Variants in FNIP1 observed in about 807,000 individuals in gnomAD.
FNIP1 encodes the protein folliculin-interacting protein 1.
Under a neutral mutation model 124.5 loss-of-function variants are expected in FNIP1, and 40 were observed. That is an observed-to-expected ratio of 0.32 (90% CI 0.25 to 0.42). The LOEUF (loss-of-function observed/expected upper bound fraction) is 0.42. FNIP1 is among the 10% of genes least tolerant of loss of function. The probability of loss-of-function intolerance (pLI) is 1.00; values close to 1 mark genes in which losing one functional copy is unlikely to be tolerated. For synonymous variants in FNIP1, 472 were observed against 470.6 expected, an observed-to-expected ratio of 1.00 and a Z score of -0.04; for missense variants, 1,176 against 1,403.7, an observed-to-expected ratio of 0.84 and a Z score of 2.59.
intron 2 of FNIP1, among the ~76,000 whole-genome samples, chr5:131,736,427 A>G (rs1770306991): frequency 6.6e-6 from 1 of 152,218 alleles, no homozygotes; most frequent in African/African-American, 2.4e-5. Flanking sequence ...CTTATCCACT[A>G]TCACGAACCA....
intron 1 of FNIP1, among the ~76,000 whole-genome samples, chr5:131,789,396 G>A (rs1211797425): frequency 6.6e-6 from 1 of 152,120 alleles, no homozygotes; most frequent in Non-Finnish European, 1.5e-5. Context: ...ATAATTGTTG[G>A]TAATATTATG....
chr5:131,713,002 G>C (rs1769347843), intron 6 of FNIP1, among the ~76,000 whole-genome samples: 1 of 151,660 alleles, frequency 6.6e-6, no homozygotes, highest in South Asian at 2.1e-4. Context: ...TTTTTCCCAT[G>C]TAACACACTC....
At chr5:131,750,035 G>A (rs1207463812) in intron 1 of FNIP1, among the ~76,000 whole-genome samples, 4 of 152,118 alleles carry the variant, frequency 2.6e-5, no homozygotes, top group African/African-American at 9.7e-5. Flanking sequence ...TCTACATAAC[G>A]TTGAAGACTA....
In FNIP1 at chr5:131,696,651, TAATA is replaced by T. The variant is rs1768703778; in HGVS notation, c.1202+2262_1202+2265del. On this transcript the variant is annotated intron_variant, in intron 11 of 17. Transcript: ENST00000510461. Reference sequence around the variant, plus strand: ...AAATTATTTGTTAGCATGCTCCATATAATAAATGCCTAAAATTAATGTTAAAATA... The same window carrying T: ...AAATTATTTGTTAGCATGCTCCATATAATGCCTAAAATTAATGTTAAAATA... Among the ~76,000 whole-genome samples, 6 of 152,120 alleles carry T rather than the reference TAATA, an allele frequency of 3.9e-5. No homozygotes were observed. The South Asian group carries it at 6.2e-4, about 16-fold the overall frequency.
chr5:131,760,984 C>G (rs2191001), intron 1 of FNIP1, among the ~76,000 whole-genome samples: 119,206 of 152,052 alleles, frequency 0.78, 46,962 homozygotes, highest in African/African-American at 0.83. Flanking sequence ...ATTCCCAATA[C>G]AGCAACATGC....
intron 17 of FNIP1, among the ~76,000 whole-genome samples, chr5:131,645,033 A>G (rs1009969480): frequency 6.6e-6 from 1 of 152,202 alleles, no homozygotes; most frequent in Non-Finnish European, 1.5e-5. Flanking sequence ...ATCTAGTGTA[A>G]TAATAGCTGG....
intron 9 of FNIP1, among the ~76,000 whole-genome samples, chr5:131,705,126 TTAAA>T (rs1198357088): frequency 2.0e-5 from 3 of 152,006 alleles, no homozygotes; most frequent in Admixed American, 6.6e-5. Context: ...GGCAAAGGAC[TTAAA>T]TAGACATTTC....
chr5:131,795,738 T>C (rs1397454648), intron 1 of FNIP1: 2 of 152,226 alleles, frequency 1.3e-5, no homozygotes, highest in Non-Finnish European at 2.9e-5. Context: ...ATTTTAAGAA[T>C]AGCAAAATTT....
rs181327120 is a variant in FNIP1 at position 131,727,386 on chromosome 5, C to A, written c.354+3518G>T. 3.3e-5 allele frequency among the ~76,000 whole-genome samples: 5 copies of A among 152,130 alleles called. No homozygotes were observed. In the East Asian group the frequency reaches 9.7e-4, roughly 29 times the overall value. ...GTTAGCTCTTCTTGTTACACTGATC[C>A]CTATTGTTGCATTGATTCCTTTACC... On this transcript the variant is annotated intron_variant, in intron 3 of 17. Transcript: ENST00000510461.
chr5:131,792,803 C>T (rs959899028), intron 1 of FNIP1, among the ~76,000 whole-genome samples: 3 of 152,182 alleles, frequency 2.0e-5, no homozygotes, highest in African/African-American at 7.2e-5. Flanking sequence ...TATGTTTAGA[C>T]TTAGGTCCCA....
At chr5:131,705,985 A>G (rs1400518607) in intron 9 of FNIP1, among the ~76,000 whole-genome samples, 2 of 152,192 alleles carry the variant, frequency 1.3e-5, no homozygotes, top group African/African-American at 4.8e-5. Context: ...TAAATGAAAT[A>G]AGGCAGACAC....
chr5:131,711,795 CA>C (rs1486440904), intron 6 of FNIP1, among the ~76,000 whole-genome samples: 2 of 152,208 alleles, frequency 1.3e-5, no homozygotes, highest in Non-Finnish European at 2.9e-5. Context: ...TGTATCCAGC[CA>C]ACTGTAGTTT....
rs1205160914 is a variant in FNIP1 at position 131,644,613 on chromosome 5, T to C, written c.*72A>G. 16 of 1,305,564 alleles carry C rather than the reference T, an allele frequency of 1.2e-5. No homozygotes were observed. The African/African-American group carries it at 2.2e-4, about 18-fold the overall frequency. 80.9% of individuals were successfully genotyped at this position (1,305,564 alleles called of 1,614,324 possible). A position where few individuals can be genotyped will look rare whatever the true frequency, so the allele number is the denominator to read the frequency against. Reference sequence around the variant, plus strand: ...GTCTAAAAGGGAAAAAGAATCTCCATAAATGCATGTTGTGTCTGCTTCCTT... The same window carrying C: ...GTCTAAAAGGGAAAAAGAATCTCCACAAATGCATGTTGTGTCTGCTTCCTT... On this transcript the variant is annotated 3_prime_UTR_variant, in exon 18 of 18. Coordinates refer to ENST00000510461, the MANE Select transcript of FNIP1 (RefSeq NM_133372.3).
rs551485089 is a variant in FNIP1, at chr5:131,777,555, C to A, written c.92+19275G>T. 5.9e-5 allele frequency among the ~76,000 whole-genome samples: 9 copies of A among 152,202 alleles called. No homozygotes were observed. The East Asian group carries it at 1.2e-3, about 20-fold the overall frequency. The stretch of plus-strand genomic sequence containing the variant: ...TCACAAAAACATATCATGACTGCAA[C>A]AGACTGAATCAAATACTAAAAAAAC... On this transcript the variant is annotated intron_variant, in intron 1 of 17. Transcript: ENST00000510461.
intron 1 of FNIP1, among the ~76,000 whole-genome samples, chr5:131,769,076 AC>A (rs1771538843): frequency 6.6e-6 from 1 of 152,152 alleles, no homozygotes; most frequent in Non-Finnish European, 1.5e-5. Flanking sequence ...TGGGATACAA[AC>A]AGAAAAGCAC....
At chr5:131,784,975 TATATATATATC>T (rs1221540438) in intron 1 of FNIP1, among the ~76,000 whole-genome samples, 1 of 144,812 alleles carries the variant, frequency 6.9e-6, no homozygotes, top group Non-Finnish European at 1.5e-5. Context: ...TTCTTATAAC[TATATATATATC>T]ATATATATAT....
chr5:131,794,409 T>A (rs1398061491), intron 1 of FNIP1, among the ~76,000 whole-genome samples: 1 of 151,218 alleles, frequency 6.6e-6, no homozygotes, highest in Non-Finnish European at 1.5e-5. Flanking sequence ...AGTCTGACAA[T>A]TTTTTTTTAA....
chr5:131,715,818 T>G (rs923909235), intron 6 of FNIP1, among the ~76,000 whole-genome samples: 1 of 151,840 alleles, frequency 6.6e-6, no homozygotes. Flanking sequence ...AGAAAAAACT[T>G]TTCTACTAAT....
At chr5:131,738,362 T>C (rs1033358091) in intron 2 of FNIP1, among the ~76,000 whole-genome samples, 2 of 152,194 alleles carry the variant, frequency 1.3e-5, no homozygotes, top group Non-Finnish European at 2.9e-5. Flanking sequence ...GTCAAAGTGT[T>C]TTCTCAGGTT....
Sources: gnomAD v4.1 joint callset for allele counts (sites outside exome capture counted in the v4.1 genomes callset) on GRCh38, gnomAD v4.1.1 for gene constraint, MANE v1.5 for transcripts, NCBI Gene and HGNC (gene_info 2026-07-23, HGNC 2026-07-21) for gene names.